The following MYH7B variants were observed in gnomAD, a reference collection of about 807,000 sequenced individuals.
MYH7B encodes the protein myosin heavy chain 7B.
Under a neutral mutation model 234.5 loss-of-function variants are expected in MYH7B, and 205 were observed. That is an observed-to-expected ratio of 0.87 (90% confidence interval 0.78 to 0.98). The LOEUF (loss-of-function observed/expected upper bound fraction) is 0.98. Ranked by LOEUF, MYH7B falls within the 50% of genes least tolerant of loss-of-function variation. The probability of loss-of-function intolerance (pLI) is 0.00; values close to 1 mark genes in which losing one functional copy is unlikely to be tolerated. For synonymous variants in MYH7B, 1,193 were observed against 1,105.0 expected, an observed-to-expected ratio of 1.08 and a Z score of -1.58; for missense variants, 2,652 against 2,633.4, an observed-to-expected ratio of 1.01 and a Z score of -0.15.
In MYH7B at chr20:34,997,070, CTG is replaced by C; in HGVS notation, c.3267-10_3267-9del. ...TTAAGGCCTGTGCTGGCCACCCACT[CTG>C]TGGCTCCCAGGAAGGACTCCGAGCT... On this transcript the variant is annotated splice_polypyrimidine_tract_variant and intron_variant, in intron 30 of 44. Coordinates refer to ENST00000262873, the Ensembl canonical transcript of MYH7B. The C allele has an allele frequency of 1.3e-6, 2 of 1,547,532 alleles. No individual in the cohort carries two copies. The highest frequency in any genetic ancestry group is 1.2e-5 in the South Asian group (1 of 83,928).
chr20:34,986,990 G>GT lies in MYH7B; in HGVS notation c.1008+2dup, dbSNP rs2082038699. The GT allele has an allele frequency of 6.2e-7, 1 of 1,612,946 alleles. No homozygotes were observed. Among genetic ancestry groups the GT allele is most frequent in the Non-Finnish European group, 8.5e-7 (1 of 1,179,180 alleles). ...TGGGGAGGAGCTCATCGCCACCGAC[G>GT]TATGAGCTCTGGTGGGAGGGGAGCT... On this transcript the variant is annotated splice_donor_variant, in intron 15 of 44. Coordinates refer to ENST00000262873, the Ensembl canonical transcript of MYH7B. LOFTEE classifies it high-confidence loss of function.
intron 4 of MYH7B, 58 bp downstream of exon 4, chr20:34,977,738 G>GGGGGGGGGGGGGC: frequency 6.3e-6 from 2 of 317,152 alleles, no homozygotes; most frequent in South Asian, 2.1e-5. Context: ...GGGCGGGTGG[G>GGGGGGGGGGGGGC]TGAGGGTGCC....
At chr20:34,977,731 C>A in intron 4 of MYH7B, 51 bp downstream of exon 4, 3 of 146,964 alleles carry the variant, frequency 2.0e-5, no homozygotes, top group South Asian at 4.8e-5. Flanking sequence ...GGAGGGTGGG[C>A]GGGTGGGTGA....
chr20:35,000,213 C>T (rs1055534715), intron 38 of MYH7B, 80 bp from the exon 39 acceptor site: 20 of 1,473,736 alleles, frequency 1.4e-5, no homozygotes, highest in African/African-American at 1.3e-4. Context: ...AAAATGGGTT[C>T]GTTTCCAACG....
rs1569061437 is a variant in MYH7B, at chr20:34,998,505, C to T, written c.3875-6C>T. On this transcript the variant is annotated splice_polypyrimidine_tract_variant and splice_region_variant and intron_variant, in intron 33 of 44. Coordinates refer to ENST00000262873, the Ensembl canonical transcript of MYH7B. ...CTGACCTGTCCGCTCGCCTCTTTGC[C>T]TGCAGGGGAGCTGAGTCGCCTGCTA... 6.2e-7 allele frequency: 1 copy of T among 1,613,432 alleles called. No individual in the cohort carries two copies. The highest frequency in any genetic ancestry group is 1.1e-5 in the South Asian group (1 of 91,058).
chr20:34,988,367 A>G, intron 19 of MYH7B, 105 bp downstream of exon 19: 1 of 1,292,194 alleles, frequency 7.7e-7, no homozygotes. Flanking sequence ...TGTGCATGGA[A>G]GCGTGTGACT....
chr20:34,992,561 GT>G (rs71196773), intron 24 of MYH7B, among the ~76,000 whole-genome samples: 1,597 of 118,290 alleles, frequency 0.014, 28 homozygotes, highest in African/African-American at 0.046. Context: ...CCAAGGTTGT[GT>G]TTTTTTTTTT....
exon 36 of MYH7B, chr20:34,999,251 A>ACGG: frequency 6.2e-7 from 1 of 1,605,198 alleles, no homozygotes; most frequent in East Asian, 2.2e-5. Flanking sequence ...CACTGGAGGA[A>ACGG]CGGCGGCGGC....
intron 1 of MYH7B, among the ~76,000 whole-genome samples, chr20:34,957,834 G>T (rs1436399221): frequency 2.0e-5 from 3 of 152,170 alleles, no homozygotes; most frequent in Admixed American, 1.3e-4. Flanking sequence ...CTGACTACAG[G>T]ACAGGCTGAG....
At chr20:34,982,692 C>A in intron 10 of MYH7B, 137 bp downstream of exon 10, 1 of 736,986 alleles carries the variant, frequency 1.4e-6, no homozygotes. Flanking sequence ...GCCTCCCACC[C>A]TGGTGGGGGA....
At chr20:34,994,045 A>T (rs1214340914) in intron 26 of MYH7B, 101 bp from the exon 27 acceptor site, 6 of 1,470,954 alleles carry the variant, frequency 4.1e-6, no homozygotes, top group Non-Finnish European at 5.6e-6. Context: ...GAGCTACTCC[A>T]TGAGGCTGCT....
intron 2 of MYH7B, among the ~76,000 whole-genome samples, chr20:34,973,162 C>T (rs1198688150): frequency 1.3e-5 from 2 of 152,194 alleles, no homozygotes; most frequent in African/African-American, 4.8e-5. Flanking sequence ...GCCCCGCTCC[C>T]CTTTATGCCC....
chr20:34,989,215 A>T (rs1217681573), intron 19 of MYH7B, among the ~76,000 whole-genome samples: 2 of 152,208 alleles, frequency 1.3e-5, no homozygotes, highest in African/African-American at 2.4e-5. Context: ...GCAGTGGATG[A>T]GTTTCATACG....
At chr20:34,962,378 G>C (rs1386227593) in intron 2 of MYH7B, among the ~76,000 whole-genome samples, 1 of 152,160 alleles carries the variant, frequency 6.6e-6, no homozygotes, top group African/African-American at 2.4e-5. Flanking sequence ...GTTTTCCAAA[G>C]TGGCAGCAAT....
exon 32 of MYH7B, chr20:34,997,425 C>T: frequency 6.8e-7 from 1 of 1,474,554 alleles, no homozygotes; most frequent in East Asian, 2.7e-5. Flanking sequence ...GGAGGCGGAG[C>T]TGGGGAGGCT....
intron 3 of MYH7B, among the ~76,000 whole-genome samples, chr20:34,976,669 A>G (rs1466706814): frequency 6.6e-6 from 1 of 152,182 alleles, no homozygotes; most frequent in Non-Finnish European, 1.5e-5. Flanking sequence ...CTTCCATTTC[A>G]GCCAAACAAT....
In MYH7B at chr20:34,979,853, C is replaced by CG. The variant is rs774259220; in HGVS notation, c.342+53dup. Reference sequence around the variant, plus strand: ...GGCGGGGTGGGGCTTGTATGTGGGGCGGGGCTAGAGATGAGGTGCTGGGGG... The same window carrying CG: ...GGCGGGGTGGGGCTTGTATGTGGGGCGGGGGCTAGAGATGAGGTGCTGGGGG... On this transcript the variant is annotated intron_variant, in intron 7 of 44. Coordinates refer to ENST00000262873, the Ensembl canonical transcript of MYH7B. 15 of 1,498,158 alleles carry CG rather than the reference C, an allele frequency of 1.0e-5. No individual in the cohort carries two copies. The South Asian group carries it at 1.9e-4, about 19-fold the overall frequency. The allele number at this position is 1,498,158 out of a possible 1,614,324, so 92.8% of individuals were successfully genotyped here.
chr20:34,970,985 G>A lies in MYH7B; in HGVS notation c.-221-4415G>A, dbSNP rs1282282982. ...CATGTCAGAGACCTGGACCAGAGTG[G>A]GTGCTGGGGTCTGGAGCACCTCAGC... On this transcript the variant is annotated intron_variant, in intron 2 of 44. Transcript: ENST00000262873. Among the ~76,000 whole-genome samples, 7 of 152,166 alleles carry A rather than the reference G, an allele frequency of 4.6e-5. No individual in the cohort carries two copies. In the East Asian group the frequency reaches 1.4e-3, roughly 29 times the overall value.
intron 6 of MYH7B, 23 bp from the exon 7 acceptor site, chr20:34,979,638 C>T: frequency 3.1e-6 from 5 of 1,613,866 alleles, no homozygotes; most frequent in Non-Finnish European, 4.2e-6. Flanking sequence ...GTCCCCCGGC[C>T]CCTGACACGA....
Sources: allele counts gnomAD v4.1 joint callset (sites outside exome capture counted in the v4.1 genomes callset), GRCh38; gene constraint gnomAD v4.1.1; transcripts MANE v1.5; gene names NCBI Gene and HGNC (gene_info 2026-07-23, HGNC 2026-07-21).